The following SNAPC4 variants were observed in gnomAD, a reference collection of about 807,000 sequenced individuals.
SNAPC4 encodes the protein small nuclear RNA activating complex polypeptide 4.
In SNAPC4, 127 loss-of-function variants were observed where a neutral mutation model predicts 151.3. That is an observed-to-expected ratio of 0.84 (90% confidence interval 0.73 to 0.97). The LOEUF is 0.97. Among genes scored for constraint, SNAPC4 ranks in the 50% least tolerant of loss-of-function variants. The probability of loss-of-function intolerance (pLI) is 0.00; values close to 1 mark genes in which losing one functional copy is unlikely to be tolerated. For missense variants in SNAPC4, 2,186 were observed against 1,935.0 expected (o/e 1.13, Z -2.43); for synonymous variants, 1,002 against 824.4 (o/e 1.22, Z -3.69).
In SNAPC4 at chr9:136,394,834, C is replaced by T. The variant is rs1834203725; in HGVS notation, c.516G>A (p.Gly172=). 12 of 1,613,854 alleles carry T rather than the reference C, an allele frequency of 7.4e-6. No homozygotes were observed. Among genetic ancestry groups the T allele is most frequent in the Non-Finnish European group, 9.3e-6 (11 of 1,180,016 alleles). The part of the protein sequence containing the change: ...NEDTREKAAQ[G]IKAFEELLVT... ...CAAGGAGCTCCTCGAAAGCCTTGAT[C>T]CCCTGGGCAGCCTTCTCTCGTGTGT... Residue 172 remains glycine (G), a synonymous_variant, in exon 6 of 24, where the codon GGG becomes GGA. Transcript: ENST00000684778.
At chr9:136,388,635 AG>A (rs1833972004) in intron 10 of SNAPC4, 44 bp from the exon 11 acceptor site, 7 of 1,611,438 alleles carry the variant, frequency 4.3e-6, no homozygotes, top group African/African-American at 2.7e-5. Flanking sequence ...ACTGCGCGGC[AG>A]GATGTCCAGA....
intron 1 of SNAPC4, 84 bp from the exon 2 acceptor site, chr9:136,398,521 G>A (rs1834351356): frequency 1.3e-6 from 2 of 1,507,126 alleles, no homozygotes; most frequent in South Asian, 1.2e-5. Flanking sequence ...CGCCCATGGG[G>A]GATGGCAGGA....
intron 1 of SNAPC4, chr9:136,398,807 T>C (rs3812575): frequency 0.42 from 83,891 of 197,426 alleles, 18,314 homozygotes; most frequent in Admixed American, 0.53. Flanking sequence ...TGGGGTGCAG[T>C]GGCAAAGTCA....
chr9:136,386,733 C>T (rs1833903002), intron 13 of SNAPC4, among the ~76,000 whole-genome samples: 1 of 151,436 alleles, frequency 6.6e-6, no homozygotes, highest in Non-Finnish European at 1.5e-5. Context: ...TGAACCTGGC[C>T]TTCTACACTT....
intron 2 of SNAPC4, among the ~76,000 whole-genome samples, chr9:136,398,067 TTTATTA>T (rs879692805): frequency 2.6e-5 from 4 of 151,842 alleles, no homozygotes; most frequent in African/African-American, 4.8e-5. Flanking sequence ...CCAGCCATCG[TTTATTA>T]TTATTATTAT....
chr9:136,388,501 T>C lies in SNAPC4; in HGVS notation c.1066A>G (p.Met356Val). 1.2e-6 allele frequency: 2 copies of C among 1,613,678 alleles called. No homozygotes were observed. ...RKEWTEEEDR[M>V]LTQLVQEMRV... The stretch of plus-strand genomic sequence containing the variant: ...ATCTCCTGCACCAGCTGCGTGAGCA[T>C]GCGGTCCTCCTCCTCTGTCCACTCC... Residue 356 changes from methionine (M) to valine (V), a missense_variant, in exon 11 of 24, where the codon ATG becomes GTG. By Grantham distance (21) the Met-to-Val change is conservative. Transcript: ENST00000684778.
intron 19 of SNAPC4, 109 bp from the exon 20 acceptor site, chr9:136,380,959 T>G (rs1475997353): frequency 3.0e-6 from 2 of 661,582 alleles, no homozygotes; most frequent in Middle Eastern, 2.5e-4. Context: ...GCGGCTACCT[T>G]GAGACCTCAG....
In SNAPC4 at chr9:136,378,859, C is replaced by G. The variant is rs747072957; in HGVS notation, c.2968G>C (p.Ala990Pro). ...CCCTCGGCCTCTGAGAAGACAGGAGCGAGGGGCAGGGCTTGCATGGTGGAG... is the reference window on the plus strand; with the variant it reads ...CCCTCGGCCTCTGAGAAGACAGGAGGGAGGGGCAGGGCTTGCATGGTGGAG... ...RLSTMQALPL[A>P]PVFSEAEGTA... is the part of the protein sequence containing the mutation. The change falls in exon 22 of 24, where the codon GCT (alanine) becomes CCT (proline). Residue 990 changes from alanine to proline, a missense_variant. Physicochemically the swap from Ala to Pro is conservative, Grantham distance 27 (BLOSUM62 -1). Coordinates refer to ENST00000684778, the MANE Select transcript of SNAPC4 (RefSeq NM_003086.4). 6.2e-7 allele frequency: 1 copy of G among 1,609,040 alleles called. No homozygotes were observed. Among genetic ancestry groups the G allele is most frequent in the Non-Finnish European group, 8.5e-7 (1 of 1,178,308 alleles).
intron 10 of SNAPC4, among the ~76,000 whole-genome samples, chr9:136,390,033 A>G (rs376442221): frequency 6.6e-6 from 1 of 152,176 alleles, no homozygotes; most frequent in East Asian, 1.9e-4. Flanking sequence ...ATTCCCAAAA[A>G]TCACAAGGAG....
chr9:136,380,490 C>A (rs965642061), intron 20 of SNAPC4, among the ~76,000 whole-genome samples: 2 of 152,234 alleles, frequency 1.3e-5, no homozygotes, highest in African/African-American at 4.8e-5. Context: ...AGACAGCGCC[C>A]ATGTCCATGA....
In SNAPC4 at chr9:136,378,592, C is replaced by T. The variant is rs767548836; in HGVS notation, c.3235G>A (p.Val1079Met). The T allele has an allele frequency of 1.5e-5, 24 of 1,584,232 alleles. No individual in the cohort carries two copies. In the Admixed American group the frequency reaches 3.1e-4, roughly 20 times the overall value. The change falls in exon 22 of 24, where the codon GTG becomes ATG. Residue 1079 changes from valine to methionine, a missense_variant. Val to Met is a conservative substitution (Grantham distance 21). Coordinates refer to ENST00000684778, the MANE Select transcript of SNAPC4 (RefSeq NM_003086.4). ...ATSVPLPVTW[V>M]LTAQGLLPVP... ...GGGAGAAGCCCCTGGGCTGTGAGCA[C>T]CCAGGTGACAGGCAGGGGGACACTG...
Position 136,383,975 on chromosome 9 carries a change from C to G in SNAPC4, c.1478G>C (p.Ser493Thr). 6.2e-7 allele frequency: 1 copy of G among 1,613,760 alleles called. No homozygotes were observed. Among genetic ancestry groups the G allele is most frequent in the Non-Finnish European group, 8.5e-7 (1 of 1,179,964 alleles). ...LPHRSGSQCL[S>T]KWKIMMGKKQ... ...CACCCCCATCATGATCTTCCACTTG[C>G]TCAGACACTGGGAGCCAGACCGATG... Residue 493 changes from serine to threonine, a missense_variant, in exon 15 of 24, where the codon AGC becomes ACC. Coordinates refer to ENST00000684778, the MANE Select transcript of SNAPC4 (RefSeq NM_003086.4). This position sits in a 1 kb window ranked among gnomAD's most constrained non-coding sequence, Gnocchi z 4.2.
chr9:136,394,366 G>A (rs774358403), intron 6 of SNAPC4, 36 bp from the exon 7 acceptor site: 44 of 1,568,946 alleles, frequency 2.8e-5, no homozygotes, highest in Non-Finnish European at 3.9e-5. Context: ...CTGGGGGTCT[G>A]GATCCTCTCC....
In SNAPC4 at chr9:136,376,405, A is replaced by T. The variant is rs771731259; in HGVS notation, c.4361T>A (p.Leu1454His). 6.1e-5 allele frequency: 98 copies of T among 1,613,340 alleles called. No homozygotes were observed. Among genetic ancestry groups the T allele is most frequent in the Non-Finnish European group, 8.2e-5 (97 of 1,179,962 alleles). The change falls in exon 23 of 24, where the codon CTC becomes CAC. Residue 1454 changes from leucine (L) to histidine (H), a missense_variant. Coordinates refer to ENST00000684778, the MANE Select transcript of SNAPC4 (RefSeq NM_003086.4). ...GGTGTGCCTGGCATGCCGGGTTCTG[A>T]GCACGTCCAGGTCGTCAGGGTCATT... ...TSNDPDDLDV[L>H]RTRHARHTRK... is the part of the protein sequence containing the mutation.
At chr9:136,381,788 C>T (rs769165882) in intron 18 of SNAPC4, 36 bp downstream of exon 18, 1 of 1,592,186 alleles carries the variant, frequency 6.3e-7, no homozygotes, top group Admixed American at 1.7e-5. Flanking sequence ...TCACCCCTCG[C>T]CCCCAGGATG....
chr9:136,376,423 G>C lies in SNAPC4; in HGVS notation c.4343C>G (p.Pro1448Arg). 6.2e-7 allele frequency: 1 copy of C among 1,613,564 alleles called. No individual in the cohort carries two copies. Among genetic ancestry groups the C allele is most frequent in the Non-Finnish European group, 8.5e-7 (1 of 1,179,964 alleles). ...ASSCLDTSND[P>R]DDLDVLRTRH... ...GGTTCTGAGCACGTCCAGGTCGTCAGGGTCATTAGAAGTATCCAGGCAGGA... is the reference window on the plus strand; with the variant it reads ...GGTTCTGAGCACGTCCAGGTCGTCACGGTCATTAGAAGTATCCAGGCAGGA... The change falls in exon 23 of 24, where the codon CCT becomes CGT. Residue 1448 changes from proline to arginine, a missense_variant. Coordinates refer to ENST00000684778, the MANE Select transcript of SNAPC4 (RefSeq NM_003086.4).
In SNAPC4 at chr9:136,381,990, C is replaced by G; in HGVS notation, c.2151G>C (p.Gln717His). 6.2e-7 allele frequency: 1 copy of G among 1,611,362 alleles called. No homozygotes were observed. The highest frequency in any genetic ancestry group is 8.5e-7 in the Non-Finnish European group (1 of 1,179,714). The stretch of plus-strand genomic sequence containing the variant: ...TCTGGGTGGCTCTGTGCCGTAGCCA[C>G]TGCACATGGGATCGGGCCACGCTGT... Reference protein sequence around the residue: ...SGDSVARSHVQWLRHRATQSG... With the variant: ...SGDSVARSHVHWLRHRATQSG... Residue 717 changes from glutamine (Q) to histidine (H), a missense_variant, in exon 18 of 24, where the codon CAG (glutamine) becomes CAC (histidine). Transcript: ENST00000684778.
intron 2 of SNAPC4, 54 bp from the exon 3 acceptor site, chr9:136,397,077 G>A (rs1834299911): frequency 2.7e-6 from 4 of 1,494,714 alleles, no homozygotes; most frequent in East Asian, 4.5e-5. Flanking sequence ...GGGCAGGGTG[G>A]GGGCGCAGCT....
rs1367888539 is a variant in SNAPC4, at chr9:136,383,107, G to A, written c.1983+79C>T. On this transcript the variant is annotated intron_variant, in intron 16 of 23. Transcript: ENST00000684778. This position sits in a 1 kb window ranked among gnomAD's most constrained non-coding sequence, Gnocchi z 4.2. ...CACGAACCCTGGGGCCCCTGCTGCT[G>A]CACTATCCCCAAGCGTCAGCCCTGG... The A allele has an allele frequency of 2.0e-6, 3 of 1,484,534 alleles. No individual in the cohort carries two copies. Among genetic ancestry groups the A allele is most frequent in the Admixed American group, 4.8e-5 (2 of 41,478 alleles). The allele number at this position is 1,484,534 out of a possible 1,614,324, so 92.0% of individuals were successfully genotyped here.
Sources: allele counts gnomAD v4.1 joint callset (sites outside exome capture counted in the v4.1 genomes callset), GRCh38; gene constraint gnomAD v4.1.1; non-coding constraint Gnocchi (gnomAD v3.1); transcripts MANE v1.5; gene names NCBI Gene and HGNC (gene_info 2026-07-23, HGNC 2026-07-21).